MARCHF3: variants seen among roughly 807,000 people sequenced by gnomAD.
MARCHF3 encodes the protein E3 ubiquitin-protein ligase MARCHF3.
Under a neutral mutation model 24.2 loss-of-function variants are expected in MARCHF3, and 13 were observed. The observed-to-expected ratio is 0.54, with a 90% confidence interval of 0.35 to 0.85. The LOEUF (loss-of-function observed/expected upper bound fraction) is 0.85. Among genes scored for constraint, MARCHF3 ranks in the 40% least tolerant of loss-of-function variants. The probability of loss-of-function intolerance (pLI) is 0.01; values close to 1 mark genes in which losing one functional copy is unlikely to be tolerated. For missense variants in MARCHF3, 276 were observed against 325.0 expected (o/e 0.85, Z 1.16); for synonymous variants, 144 against 137.3 (o/e 1.05, Z -0.34).
chr5:126,902,288 T>C (rs1420226137), intron 3 of MARCHF3, among the ~76,000 whole-genome samples: 2 of 152,140 alleles, frequency 1.3e-5, no homozygotes, highest in African/African-American at 4.8e-5. Flanking sequence ...ATAGTATTCT[T>C]TGTCCTCTTC....
At chr5:126,908,109 G>C (rs1007589442) in intron 3 of MARCHF3, among the ~76,000 whole-genome samples, 1 of 152,002 alleles carries the variant, frequency 6.6e-6, no homozygotes, top group African/African-American at 2.4e-5. Flanking sequence ...TGAAATTCTG[G>C]GTTGAAAATT....
intron 1 of MARCHF3, among the ~76,000 whole-genome samples, chr5:126,920,167 T>A (rs1340047583): frequency 6.6e-6 from 1 of 152,182 alleles, no homozygotes; most frequent in East Asian, 1.9e-4. Flanking sequence ...TTTGGGTAGA[T>A]ATCTTCTTTT....
At chr5:126,950,720 C>T (rs1750202475) in intron 1 of MARCHF3, among the ~76,000 whole-genome samples, 1 of 152,194 alleles carries the variant, frequency 6.6e-6, no homozygotes, top group Admixed American at 6.5e-5. Flanking sequence ...AAACAAATAT[C>T]TGGTTATTTC....
chr5:127,008,798 C>T (rs998516432), intron 1 of MARCHF3, among the ~76,000 whole-genome samples: 1 of 152,176 alleles, frequency 6.6e-6, no homozygotes, highest in African/African-American at 2.4e-5. Flanking sequence ...ACGGGCCAGA[C>T]AACCTGGTCC....
In MARCHF3 at chr5:127,028,841, T is replaced by C. The variant is rs112834836; in HGVS notation, c.-57+1509A>G. Among the ~76,000 whole-genome samples the C allele has an allele frequency of 3.6e-3, 553 of 152,300 alleles. 4 individuals carry two copies. Among genetic ancestry groups the C allele is most frequent in the African/African-American group, 0.013 (526 of 41,562 alleles). ...CAAAACTTCAAGTTCAGGCCAAATA[T>C]TGAATGAAAATAGAACTTGAGAGGC... On this transcript the variant is annotated intron_variant, in intron 1 of 4. Coordinates refer to ENST00000308660, the MANE Select transcript of MARCHF3 (RefSeq NM_178450.5).
At chr5:126,928,414 T>C (rs1389786758) in intron 1 of MARCHF3, among the ~76,000 whole-genome samples, 2 of 152,226 alleles carry the variant, frequency 1.3e-5, no homozygotes, top group African/African-American at 4.8e-5. Context: ...GAACTTGGTT[T>C]CTAGTGACCA....
At chr5:126,888,715 T>G (rs1753577528) in intron 3 of MARCHF3, among the ~76,000 whole-genome samples, 1 of 152,174 alleles carries the variant, frequency 6.6e-6, no homozygotes, top group Non-Finnish European at 1.5e-5. Flanking sequence ...ATAAAATGCA[T>G]AGTGCCAAAA....
In MARCHF3 at chr5:126,900,049, C is replaced by T. The variant is rs185472501; in HGVS notation, c.393+14881G>A. On this transcript the variant is annotated intron_variant, in intron 3 of 4. Transcript: ENST00000308660. Reference sequence around the variant, plus strand: ...TTCACTGCCCTAAAAATCCTCTGTGCTCCACCTTTTCATCCTTCCCTCCTT... The same window carrying T: ...TTCACTGCCCTAAAAATCCTCTGTGTTCCACCTTTTCATCCTTCCCTCCTT... 4.5e-4 allele frequency among the ~76,000 whole-genome samples: 68 copies of T among 152,228 alleles called. 1 individual carries two copies. The highest frequency in any genetic ancestry group is 1.6e-3 in the African/African-American group (68 of 41,528).
chr5:126,991,331 A>C (rs1036932167), intron 1 of MARCHF3, among the ~76,000 whole-genome samples: 2 of 152,136 alleles, frequency 1.3e-5, no homozygotes, highest in Non-Finnish European at 2.9e-5. Flanking sequence ...TCTCACTCTT[A>C]GGTGGGAACT....
At chr5:126,882,718 A>G (rs1486624322) in intron 3 of MARCHF3, among the ~76,000 whole-genome samples, 1 of 152,206 alleles carries the variant, frequency 6.6e-6, no homozygotes, top group African/African-American at 2.4e-5. Context: ...GGCCTGCCTC[A>G]TATCAGGCAC....
At chr5:126,951,357 G>C (rs1750225336) in intron 1 of MARCHF3, among the ~76,000 whole-genome samples, 2 of 152,084 alleles carry the variant, frequency 1.3e-5, no homozygotes, top group Admixed American at 6.5e-5. Context: ...TCCATAATTA[G>C]TGACATGGCT....
chr5:126,960,942 A>C, intron 1 of MARCHF3, among the ~76,000 whole-genome samples: 1 of 152,152 alleles, frequency 6.6e-6, no homozygotes, highest in East Asian at 1.9e-4. Context: ...TATTCTGATT[A>C]GAAGCTAAGT....
chr5:126,976,050 A>G (rs1289386491), intron 1 of MARCHF3, among the ~76,000 whole-genome samples: 2 of 151,900 alleles, frequency 1.3e-5, no homozygotes, highest in African/African-American at 2.4e-5. Flanking sequence ...CCAGGTTTCC[A>G]CTGTCTTTTT....
intron 1 of MARCHF3, among the ~76,000 whole-genome samples, chr5:127,002,481 A>T (rs193152608): frequency 6.6e-6 from 1 of 152,360 alleles, no homozygotes; most frequent in Admixed American, 6.5e-5. Flanking sequence ...ACTTACACAT[A>T]TAAAAGATCT....
intron 1 of MARCHF3, among the ~76,000 whole-genome samples, chr5:127,024,619 C>T (rs1752934367): frequency 6.6e-6 from 1 of 152,280 alleles, no homozygotes; most frequent in Admixed American, 6.5e-5. Flanking sequence ...CACTTTCATT[C>T]GTAAAGATTA....
chr5:126,907,828 T>G (rs1301907368), intron 3 of MARCHF3, among the ~76,000 whole-genome samples: 2 of 151,532 alleles, frequency 1.3e-5, no homozygotes, highest in Non-Finnish European at 2.9e-5. Flanking sequence ...ACATTTAAAG[T>G]TAATATTGTT....
At chr5:126,972,296 A>C (rs943085400) in intron 1 of MARCHF3, among the ~76,000 whole-genome samples, 2 of 152,066 alleles carry the variant, frequency 1.3e-5, no homozygotes, top group Non-Finnish European at 2.9e-5. Flanking sequence ...CCCCCTAAAA[A>C]CCAGGAAGTG....
At position 126,917,985 on chromosome 5, in the gene MARCHF3, T is replaced by A. The variant is rs1398194424; in HGVS notation, c.187A>T (p.Ser63Cys). 6.2e-7 allele frequency: 1 copy of A among 1,613,592 alleles called. No homozygotes were observed. The highest frequency in any genetic ancestry group is 1.1e-5 in the South Asian group (1 of 90,980). The change falls in exon 2 of 5, where the codon AGC becomes TGC. Residue 63 changes from serine to cysteine, a missense_variant and splice_region_variant. Coordinates refer to ENST00000308660, the MANE Select transcript of MARCHF3 (RefSeq NM_178450.5). ...CATTTATTTTAATTGTGGTACTACC[T>A]CTGGGTGGCAAGAGTCCGCACTACT... ...STVVRTLATQ[S>C]PFNDRPMCRI...
intron 4 of MARCHF3, among the ~76,000 whole-genome samples, chr5:126,871,928 C>A (rs1752981456): frequency 6.6e-6 from 1 of 151,768 alleles, no homozygotes; most frequent in Admixed American, 6.6e-5. Context: ...GCAGGCTGGT[C>A]TCGAACTCCT....
Sources: allele counts gnomAD v4.1 joint callset (sites outside exome capture counted in the v4.1 genomes callset), GRCh38; gene constraint gnomAD v4.1.1; transcripts MANE v1.5; gene names NCBI Gene and HGNC (gene_info 2026-07-23, HGNC 2026-07-21).